Variants in SKA3 observed in about 807,000 individuals in gnomAD.
The protein encoded by SKA3 is spindle and kinetochore associated complex subunit 3, also known as spindle and kinetochore-associated protein 3.
SKA3 carries 39 observed loss-of-function variants against 44.2 expected under a neutral mutation model. The ratio of observed to expected loss-of-function variants is 0.88; its 90% CI spans 0.68 to 1.15. The LOEUF is 1.15. Among genes scored for constraint, SKA3 ranks in the 50% most tolerant of loss-of-function variants. The pLI, the probability that SKA3 is intolerant of heterozygous loss-of-function variation, is 0.00. For missense variants in SKA3, 511 were observed against 485.8 expected (o/e 1.05, Z -0.49); for synonymous variants, 192 against 172.0 (o/e 1.12, Z -0.91).
intron 5 of SKA3, 122 bp downstream of exon 5, chr13:21,161,668 C>T (rs1365703892): frequency 1.7e-6 from 1 of 580,656 alleles, no homozygotes; most frequent in East Asian, 3.2e-5. Context: ...TTAATGTAAT[C>T]CAATGTTAGG....
At chr13:21,172,770 A>G in intron 1 of SKA3, 89 bp from the exon 2 acceptor site, 1 of 728,266 alleles carries the variant, frequency 1.4e-6, no homozygotes, top group Non-Finnish European at 2.2e-6. Flanking sequence ...TATACCTTAT[A>G]ATGACATTGG....
chr13:21,168,172 C>G lies in SKA3; in HGVS notation c.559G>C (p.Val187Leu), dbSNP rs61950353. 1 of 1,612,844 alleles carries G rather than the reference C, an allele frequency of 6.2e-7. No homozygotes were observed. The highest frequency in any genetic ancestry group is 8.5e-7 in the Non-Finnish European group (1 of 1,179,442). ...TGTTTGGTAGGTGGGGTTACAATTA[C>G]GGGCTCTTCCTTATAGTTGTTCACT... ...QAVNNYKEEP[V>L]IVTPPTKQSL... The change falls in exon 4 of 9, where the codon GTA becomes CTA. Residue 187 changes from valine (V) to leucine (L), a missense_variant. Transcript: ENST00000314759.
At chr13:21,165,422 TA>T (rs912784547) in intron 4 of SKA3, among the ~76,000 whole-genome samples, 1 of 149,666 alleles carries the variant, frequency 6.7e-6, no homozygotes, top group Non-Finnish European at 1.5e-5. Context: ...AACCTGTCTC[TA>T]AAAATAAATA....
At chr13:21,173,257 T>C (rs1871176866) in intron 1 of SKA3, among the ~76,000 whole-genome samples, 1 of 151,314 alleles carries the variant, frequency 6.6e-6, no homozygotes, top group South Asian at 2.1e-4. Flanking sequence ...TTTAGCCTGA[T>C]TTCTTTTTCT....
Position 21,172,332 on chromosome 13 carries a change from T to C in SKA3, c.331+7A>G, listed in dbSNP as rs750495318. ...AAACAAATGCTATAAAATGAAGTTA[T>C]TCAAACCTGAATTTTTCTTGACACG... On this transcript the variant is annotated splice_region_variant and intron_variant, in intron 3 of 8. Transcript: ENST00000314759. The C allele has an allele frequency of 1.1e-5, 17 of 1,529,566 alleles. No homozygotes were observed. In the Admixed American group the frequency reaches 3.6e-4, roughly 32 times the overall value. 94.7% of individuals were successfully genotyped at this position (1,529,566 alleles called of 1,614,324 possible).
intron 1 of SKA3, among the ~76,000 whole-genome samples, chr13:21,173,725 C>A (rs117316194): frequency 0.021 from 3,262 of 152,274 alleles, 50 homozygotes; most frequent in Middle Eastern, 0.058. Context: ...ATTTCCACTG[C>A]GTGATACCAT....
chr13:21,158,895 T>C (rs1191539610), intron 6 of SKA3, among the ~76,000 whole-genome samples: 7 of 152,160 alleles, frequency 4.6e-5, no homozygotes, highest in Non-Finnish European at 5.9e-5. Context: ...AGAGAGACGA[T>C]AGAGTGTCAC....
At chr13:21,170,758 A>G (rs979685475) in intron 3 of SKA3, among the ~76,000 whole-genome samples, 1 of 152,206 alleles carries the variant, frequency 6.6e-6, no homozygotes, top group South Asian at 2.1e-4. Flanking sequence ...TCCCCATCTT[A>G]TAAGTGAGGA....
Position 21,176,380 on chromosome 13 carries a change from T to A in SKA3, c.98A>T (p.Glu33Val), listed in dbSNP as rs1231633239. 6.4e-7 allele frequency: 1 copy of A among 1,567,824 alleles called. No individual in the cohort carries two copies. Among genetic ancestry groups the A allele is most frequent in the Non-Finnish European group, 8.6e-7 (1 of 1,157,134 alleles). Residue 33 changes from glutamate (E) to valine (V), a missense_variant, in exon 1 of 9, where the codon GAA becomes GTA. Coordinates refer to ENST00000314759, the MANE Select transcript of SKA3 (RefSeq NM_145061.6). Reference protein sequence around the residue: ...ARLQRALDGEESDFEDYPMRI... With the variant: ...ARLQRALDGEVSDFEDYPMRI... ...TGGCCGCCCGCCTCACGCACCGCTTTCCTCTCCGTCCAGCGCTCGCTGCAG... is the reference window on the plus strand; with the variant it reads ...TGGCCGCCCGCCTCACGCACCGCTTACCTCTCCGTCCAGCGCTCGCTGCAG...
chr13:21,155,778 G>T lies in SKA3; in HGVS notation c.1153C>A (p.Pro385Thr). 1 of 1,604,470 alleles carries T rather than the reference G, an allele frequency of 6.2e-7. No individual in the cohort carries two copies. Among genetic ancestry groups the T allele is most frequent in the Non-Finnish European group, 8.5e-7 (1 of 1,172,806 alleles). ...GGTGGCACTGCTTTAATTGCTATTG[G>T]AGTAGCTAGGTTTGAGTTGTATTTT... ...LSKYNSNLAT[P>T]IAIKAVPPSK... Residue 385 changes from proline to threonine, a missense_variant, in exon 8 of 9, where the codon CCA becomes ACA. Coordinates refer to ENST00000314759, the MANE Select transcript of SKA3 (RefSeq NM_145061.6).
At chr13:21,160,558 CA>C (rs1196577951) in intron 5 of SKA3, among the ~76,000 whole-genome samples, 1 of 151,864 alleles carries the variant, frequency 6.6e-6, no homozygotes, top group African/African-American at 2.4e-5. Context: ...ATCTGACTGG[CA>C]AAATATCTGA....
intron 3 of SKA3, among the ~76,000 whole-genome samples, chr13:21,170,179 CTTTTTT>C (rs1192752791): frequency 7.2e-6 from 1 of 138,398 alleles, no homozygotes; most frequent in Admixed American, 7.4e-5. Flanking sequence ...AGGTTATATA[CTTTTTT>C]TTTTTTTTTT....
intron 6 of SKA3, among the ~76,000 whole-genome samples, chr13:21,158,553 G>C (rs891095811): frequency 6.6e-6 from 1 of 152,132 alleles, no homozygotes; most frequent in Admixed American, 6.6e-5. Flanking sequence ...ACCCAGAGGC[G>C]GAGGTTGCAG....
intron 4 of SKA3, among the ~76,000 whole-genome samples, chr13:21,165,424 AAAAT>A (rs377617132): frequency 1.3e-5 from 2 of 151,490 alleles, no homozygotes; most frequent in South Asian, 2.1e-4. Flanking sequence ...CCTGTCTCTA[AAAAT>A]AAATAAATAA....
intron 4 of SKA3, among the ~76,000 whole-genome samples, chr13:21,166,724 C>T (rs1312243311): frequency 1.3e-5 from 2 of 152,124 alleles, no homozygotes; most frequent in Non-Finnish European, 2.9e-5. Context: ...TAGAACAAGA[C>T]CATCTGAAAA....
At chr13:21,156,062 C>T (rs1004344426) in intron 7 of SKA3, among the ~76,000 whole-genome samples, 2 of 151,850 alleles carry the variant, frequency 1.3e-5, no homozygotes, top group Non-Finnish European at 2.9e-5. Context: ...TGGCACACAC[C>T]TGTAATCCCA....
intron 1 of SKA3, 78 bp downstream of exon 1, chr13:21,176,297 G>T: frequency 7.9e-7 from 1 of 1,261,428 alleles, no homozygotes; most frequent in Non-Finnish European, 1.1e-6. Context: ...GTTCCCGTGG[G>T]ACATACCGTC....
intron 3 of SKA3, 64 bp from the exon 4 acceptor site, chr13:21,168,463 CAACAGAA>C: frequency 8.3e-7 from 1 of 1,211,084 alleles, no homozygotes; most frequent in Non-Finnish European, 1.1e-6. Flanking sequence ...TTTACAAAAA[CAACAGAA>C]AACAGCTTAT....
chr13:21,169,026 CT>C (rs1239554956), intron 3 of SKA3, among the ~76,000 whole-genome samples: 88 of 145,594 alleles, frequency 6.0e-4, no homozygotes, highest in Middle Eastern at 3.6e-3. Flanking sequence ...TTTTTTCTTT[CT>C]TTTTTTTTTT....
Sources: gnomAD v4.1 joint callset for allele counts (sites outside exome capture counted in the v4.1 genomes callset) on GRCh38, gnomAD v4.1.1 for gene constraint, MANE v1.5 for transcripts, NCBI Gene and HGNC (gene_info 2026-07-23, HGNC 2026-07-21) for gene names.